PRDM5: variants seen among roughly 807,000 people sequenced by gnomAD.
The protein encoded by PRDM5 is PR/SET domain 5.
PRDM5 carries 56 observed loss-of-function variants against 81.2 expected under a neutral mutation model. The observed-to-expected ratio is 0.69, with a 90% confidence interval of 0.56 to 0.86. The LOEUF (loss-of-function observed/expected upper bound fraction) is 0.86, where lower values mean the gene tolerates loss of function less well. Ranked by LOEUF, PRDM5 falls within the 40% of genes least tolerant of loss-of-function variation. PRDM5 has a pLI of 0.00. For missense variants in PRDM5, 697 were observed against 770.1 expected (o/e 0.91, Z 1.12); for synonymous variants, 267 against 256.4 (o/e 1.04, Z -0.39).
rs1459639117 is a variant in PRDM5, at chr4:120,745,411, A to C, written c.1623+9142T>G. ...CTCTCTCACCACTCCTATTCAACAT[A>C]GTGTTGGAAGTTCTGGCCAGGGCAG... is the stretch of plus-strand genomic sequence containing the variant. On this transcript the variant is annotated intron_variant, in intron 14 of 15. Coordinates refer to ENST00000264808, the MANE Select transcript of PRDM5 (RefSeq NM_018699.4). Among the ~76,000 whole-genome samples the C allele has an allele frequency of 3.0e-3, 422 of 142,712 alleles. 3 individuals carry two copies. The highest frequency in any genetic ancestry group is 0.011 in the African/African-American group (415 of 37,748). The allele number at this position is 142,712 out of a possible 152,430, so 93.6% of individuals were successfully genotyped here.
chr4:120,797,913 C>T (rs1751554849), intron 10 of PRDM5, among the ~76,000 whole-genome samples: 2 of 152,050 alleles, frequency 1.3e-5, no homozygotes, highest in South Asian at 2.1e-4. Flanking sequence ...CCTAGCAGAG[C>T]ATACTACAAG....
intron 3 of PRDM5, among the ~76,000 whole-genome samples, chr4:120,846,244 T>C (rs1758637688): frequency 6.6e-6 from 1 of 152,216 alleles, no homozygotes; most frequent in African/African-American, 2.4e-5. Context: ...ATTTTTAAAG[T>C]TCTACTGTGG....
intron 2 of PRDM5, among the ~76,000 whole-genome samples, chr4:120,872,643 A>G (rs955243063): frequency 1.3e-5 from 2 of 152,168 alleles, no homozygotes; most frequent in African/African-American, 4.8e-5. Flanking sequence ...AGTCCTAGCT[A>G]CTTGGGAGAC....
At chr4:120,901,377 T>A (rs1410638996) in intron 2 of PRDM5, among the ~76,000 whole-genome samples, 1 of 152,242 alleles carries the variant, frequency 6.6e-6, no homozygotes, top group Non-Finnish European at 1.5e-5. Flanking sequence ...TTGTAATGAC[T>A]AATTACCCTG....
intron 14 of PRDM5, among the ~76,000 whole-genome samples, chr4:120,733,350 A>G (rs1740543748): frequency 6.6e-6 from 1 of 152,116 alleles, no homozygotes. Context: ...GTTCTCAACA[A>G]CGCACACCTT....
At chr4:120,716,637 T>C (rs1737791347) in intron 14 of PRDM5, among the ~76,000 whole-genome samples, 1 of 152,182 alleles carries the variant, frequency 6.6e-6, no homozygotes, top group South Asian at 2.1e-4. Flanking sequence ...CAAGAAGATA[T>C]ATAATTCATG....
At chr4:120,799,625 T>A (rs757662633) in intron 9 of PRDM5, 36 bp downstream of exon 9, 132 of 1,604,296 alleles carry the variant, frequency 8.2e-5, no homozygotes, top group Non-Finnish European at 1.1e-4. Flanking sequence ...TTTTTTGTAA[T>A]GATATCACTA....
chr4:120,693,179 T>C lies in PRDM5; in HGVS notation c.*1932A>G, dbSNP rs2148981412. The C allele has an allele frequency of 6.6e-6, 1 of 152,264 alleles. No homozygotes were observed. Among genetic ancestry groups the C allele is most frequent in the South Asian group, 2.1e-4 (1 of 4,826 alleles). The allele number at this position is 152,264 out of a possible 1,614,324, so 9.4% of individuals were successfully genotyped here. ...CAGGGTAATTTCCCCAGCAGCCATG[T>C]GAACTGTGACTCACTGAGATTACAC... On this transcript the variant is annotated 3_prime_UTR_variant, in exon 16 of 16. Transcript: ENST00000264808.
chr4:120,840,490 G>A (rs1757898845), intron 3 of PRDM5, among the ~76,000 whole-genome samples: 1 of 152,138 alleles, frequency 6.6e-6, no homozygotes, highest in South Asian at 2.1e-4. Flanking sequence ...CCTCAGCAGG[G>A]TGGGTACAGT....
At chr4:120,702,800 C>G (rs184614153) in intron 15 of PRDM5, among the ~76,000 whole-genome samples, 1 of 152,144 alleles carries the variant, frequency 6.6e-6, no homozygotes, top group Non-Finnish European at 1.5e-5. Context: ...AACATTTATT[C>G]CCATGTTCTA....
At chr4:120,774,843 CACAT>C (rs1309837178) in intron 13 of PRDM5, among the ~76,000 whole-genome samples, 4 of 150,724 alleles carry the variant, frequency 2.7e-5, no homozygotes, top group Non-Finnish European at 1.5e-5. Flanking sequence ...GACACACAAA[CACAT>C]ACACCACTTT....
chr4:120,868,061 A>G (rs1761385759), intron 2 of PRDM5, among the ~76,000 whole-genome samples: 1 of 152,012 alleles, frequency 6.6e-6, no homozygotes, highest in Admixed American at 6.5e-5. Flanking sequence ...ACAGTTTCTT[A>G]CTGACTCTAA....
intron 1 of PRDM5, among the ~76,000 whole-genome samples, chr4:120,913,082 T>C (rs1766703135): frequency 6.6e-6 from 1 of 152,220 alleles, no homozygotes; most frequent in Admixed American, 6.5e-5. Context: ...CCATTAGTAC[T>C]AGAACACTGA....
chr4:120,804,410 C>T (rs1455597387), intron 8 of PRDM5, among the ~76,000 whole-genome samples: 3 of 152,228 alleles, frequency 2.0e-5, no homozygotes, highest in Admixed American at 1.3e-4. Context: ...CTTCTCAGCA[C>T]CACATTGCAC....
At chr4:120,734,158 C>G (rs1271904786) in intron 14 of PRDM5, among the ~76,000 whole-genome samples, 1 of 152,052 alleles carries the variant, frequency 6.6e-6, no homozygotes, top group Non-Finnish European at 1.5e-5. Context: ...GGCAGCACAG[C>G]CAGCCTGGCA....
intron 2 of PRDM5, among the ~76,000 whole-genome samples, chr4:120,901,733 A>G (rs1765247497): frequency 6.6e-6 from 1 of 152,268 alleles, no homozygotes; most frequent in Admixed American, 6.5e-5. Flanking sequence ...AATGCCACCC[A>G]GAATTAAGAT....
At chr4:120,702,335 T>C (rs199673977) in intron 15 of PRDM5, among the ~76,000 whole-genome samples, 1 of 152,184 alleles carries the variant, frequency 6.6e-6, no homozygotes, top group Non-Finnish European at 1.5e-5. Flanking sequence ...GAAGAAACCA[T>C]TGGGCTTCCT....
At chr4:120,813,531 T>G (rs1208103226) in intron 7 of PRDM5, among the ~76,000 whole-genome samples, 1 of 152,202 alleles carries the variant, frequency 6.6e-6, no homozygotes, top group Admixed American at 6.5e-5. Context: ...AAATATGAAT[T>G]TTTGTCTTAT....
chr4:120,798,323 A>AT lies in PRDM5; in HGVS notation c.1131dup (p.Cys378MetfsTer18), dbSNP rs1453008540. 3 of 1,612,068 alleles carry AT rather than the reference A, an allele frequency of 1.9e-6. No homozygotes were observed. Among genetic ancestry groups the AT allele is most frequent in the Non-Finnish European group, 2.5e-6 (3 of 1,179,000 alleles). Reference sequence around the variant, plus strand: ...GCAAATCCCTTTCCACAAAGTTTGCATTTGTAAGGTTTGTCTTCGCTGTGT... The same window carrying AT: ...GCAAATCCCTTTCCACAAAGTTTGCATTTTGTAAGGTTTGTCTTCGCTGTGT... On this transcript the variant is annotated frameshift_variant, in exon 10 of 16. Transcript: ENST00000264808. LOFTEE classifies it high-confidence loss of function.
Sources: gnomAD v4.1 joint callset for allele counts (sites outside exome capture counted in the v4.1 genomes callset) on GRCh38, gnomAD v4.1.1 for gene constraint, MANE v1.5 for transcripts, NCBI Gene and HGNC (gene_info 2026-07-23, HGNC 2026-07-21) for gene names.